ABCD3: variants seen among roughly 807,000 people sequenced by gnomAD.
ABCD3 encodes the protein ATP-binding cassette sub-family D member 3.
Under a neutral mutation model 105.5 loss-of-function variants are expected in ABCD3, and 41 were observed. That is an observed-to-expected ratio of 0.39 (90% confidence interval 0.30 to 0.50). The LOEUF is 0.50. ABCD3 is among the 20% of genes least tolerant of loss of function. ABCD3 has a pLI of 0.84. For missense variants in ABCD3, 622 were observed against 806.3 expected (o/e 0.77, Z 2.77); for synonymous variants, 258 against 269.0 (o/e 0.96, Z 0.40).
chr1:94,485,520 G>T (rs1057409050), intron 10 of ABCD3, among the ~76,000 whole-genome samples: 1 of 152,130 alleles, frequency 6.6e-6, no homozygotes, highest in Non-Finnish European at 1.5e-5. Flanking sequence ...TTTTTCAGGG[G>T]CCTGCAGTTC....
chr1:94,437,122 A>G (rs1433546047), intron 1 of ABCD3, among the ~76,000 whole-genome samples: 1 of 152,218 alleles, frequency 6.6e-6, no homozygotes, highest in Non-Finnish European at 1.5e-5. Flanking sequence ...GAGGTGAAAC[A>G]GCAAGTACTG....
At chr1:94,461,144 T>C (rs1647848572) in intron 2 of ABCD3, among the ~76,000 whole-genome samples, 1 of 152,134 alleles carries the variant, frequency 6.6e-6, no homozygotes, top group African/African-American at 2.4e-5. Context: ...AAATGAAATC[T>C]AGTAGGATAT....
At chr1:94,462,612 G>A (rs1423045009) in intron 2 of ABCD3, among the ~76,000 whole-genome samples, 1 of 152,206 alleles carries the variant, frequency 6.6e-6, no homozygotes, top group African/African-American at 2.4e-5. Flanking sequence ...ATACAAGTTA[G>A]CAACTAATAT....
chr1:94,410,858 T>C, the ABCD3 span, among the ~76,000 whole-genome samples: 1 of 152,344 alleles, frequency 6.6e-6, no homozygotes, highest in African/African-American at 2.4e-5. Context: ...GGGTTTTTTG[T>C]TTCATATTTA....
intron 21 of ABCD3, among the ~76,000 whole-genome samples, chr1:94,508,952 C>G (rs1056571064): frequency 6.6e-6 from 1 of 152,164 alleles, no homozygotes; most frequent in Non-Finnish European, 1.5e-5. Context: ...TTGACTTCCT[C>G]TTTTCCTAAT....
chr1:94,478,144 C>A, intron 7 of ABCD3, 115 bp from the exon 8 acceptor site: 1 of 689,980 alleles, frequency 1.4e-6, no homozygotes, highest in South Asian at 1.8e-5. Flanking sequence ...GGGACCTCTA[C>A]ATGTTGATAA....
At chr1:94,492,423 TGTTA>T (rs1363797962) in intron 16 of ABCD3, among the ~76,000 whole-genome samples, 1 of 152,182 alleles carries the variant, frequency 6.6e-6, no homozygotes, top group East Asian at 1.9e-4. Context: ...AAATGAAAAT[TGTTA>T]GTTATGCAAA....
chr1:94,408,935 T>C, the ABCD3 span, among the ~76,000 whole-genome samples: 4,988 of 152,312 alleles, frequency 0.033, 162 homozygotes, highest in East Asian at 0.18. Flanking sequence ...TAAAGTCGGC[T>C]ACCACATTCA....
chr1:94,403,755 C>T, the ABCD3 span, among the ~76,000 whole-genome samples: 1 of 152,050 alleles, frequency 6.6e-6, no homozygotes, highest in Non-Finnish European at 1.5e-5. Flanking sequence ...CTGTGACATG[C>T]CCTCATGATT....
chr1:94,500,697 C>G (rs998594092), intron 20 of ABCD3, among the ~76,000 whole-genome samples: 2 of 152,040 alleles, frequency 1.3e-5, no homozygotes, highest in East Asian at 1.9e-4. Context: ...TTTTTGTTAC[C>G]TCCGAGTCCC....
rs1354533764 is a variant in ABCD3, at chr1:94,454,668, T to C, written c.111-3939T>C. Among the ~76,000 whole-genome samples, 3 of 152,320 alleles carry C rather than the reference T, an allele frequency of 2.0e-5. No individual in the cohort carries two copies. The East Asian group carries it at 5.8e-4, about 29-fold the overall frequency. On this transcript the variant is annotated intron_variant, in intron 1 of 22. Transcript: ENST00000370214. ...TATAGAACTTACTTTCTTTTTCTTT[T>C]TAAGATGAAGTCTTGGTCTGTCACC...
At chr1:94,429,184 T>C (rs571535582) in intron 1 of ABCD3, among the ~76,000 whole-genome samples, 14 of 152,248 alleles carry the variant, frequency 9.2e-5, no homozygotes, top group Admixed American at 1.3e-4. Flanking sequence ...GATTAGGGTG[T>C]TTGGCGGAAG....
At chr1:94,502,165 C>T (rs1227729961) in intron 20 of ABCD3, among the ~76,000 whole-genome samples, 2 of 152,176 alleles carry the variant, frequency 1.3e-5, no homozygotes, top group Non-Finnish European at 2.9e-5. Context: ...TCTCTAACCG[C>T]TCTTCTGAGC....
intron 10 of ABCD3, among the ~76,000 whole-genome samples, chr1:94,484,111 A>G (rs972189275): frequency 6.6e-6 from 1 of 152,230 alleles, no homozygotes; most frequent in African/African-American, 2.4e-5. Flanking sequence ...CACCAGTTAG[A>G]ATGGCGATCA....
chr1:94,443,669 AG>A (rs1311485776), intron 1 of ABCD3, among the ~76,000 whole-genome samples: 42 of 152,254 alleles, frequency 2.8e-4, no homozygotes, highest in African/African-American at 9.4e-4. Context: ...GTATGTGGTG[AG>A]AGGTAGGGGT....
intron 16 of ABCD3, among the ~76,000 whole-genome samples, chr1:94,498,375 A>G (rs1244394007): frequency 6.6e-6 from 1 of 152,130 alleles, no homozygotes; most frequent in Non-Finnish European, 1.5e-5. Flanking sequence ...CCCAGCAATA[A>G]TAATTTTTTA....
chr1:94,449,821 G>A (rs1268601034), intron 1 of ABCD3, among the ~76,000 whole-genome samples: 1 of 152,208 alleles, frequency 6.6e-6, no homozygotes, highest in African/African-American at 2.4e-5. Flanking sequence ...TGGTAGAAAT[G>A]GTAAGAAGTA....
At position 94,487,749 on chromosome 1, in the gene ABCD3, T is replaced by G. The variant is rs772921704; in HGVS notation, c.1023T>G (p.Ser341=). 1 of 1,614,098 alleles carries G rather than the reference T, an allele frequency of 6.2e-7. No homozygotes were observed. The highest frequency in any genetic ancestry group is 8.5e-7 in the Non-Finnish European group (1 of 1,179,972). ...LVVSRPFLDL[S]HPRHLKSTHS... is the part of the protein sequence containing the mutation. ...TCAGTCGCCCTTTCTTAGATTTGTC[T>G]CATCCTCGACATCTCAAGAGTACAC... is the stretch of plus-strand genomic sequence containing the variant. Residue 341 remains serine (S), a synonymous_variant, in exon 12 of 23, where the codon TCT becomes TCG. Transcript: ENST00000370214.
At chr1:94,410,981 C>G in the ABCD3 span, among the ~76,000 whole-genome samples, 2 of 151,946 alleles carry the variant, frequency 1.3e-5, no homozygotes, top group African/African-American at 4.8e-5. Flanking sequence ...AAAATTGATA[C>G]AAAAGGGATC....
Sources: gnomAD v4.1 joint callset for allele counts (sites outside exome capture counted in the v4.1 genomes callset) on GRCh38, gnomAD v4.1.1 for gene constraint, MANE v1.5 for transcripts, NCBI Gene and HGNC (gene_info 2026-07-23, HGNC 2026-07-21) for gene names.